The following ZNF592 variants were observed in gnomAD, a reference collection of about 807,000 sequenced individuals.
The protein encoded by ZNF592 is zinc finger protein 592.
Under a neutral mutation model 80.3 loss-of-function variants are expected in ZNF592, and 11 were observed. The ratio of observed to expected loss-of-function variants is 0.14; its 90% CI spans 0.09 to 0.23. The LOEUF is 0.23. ZNF592 is among the 10% of genes least tolerant of loss of function. ZNF592 has a pLI of 1.00. For synonymous variants in ZNF592, 646 were observed against 640.3 expected, an observed-to-expected ratio of 1.01 and a Z score of -0.13; for missense variants, 1,420 against 1,633.9, an observed-to-expected ratio of 0.87 and a Z score of 2.26.
rs758992699 is a variant in ZNF592, at chr15:84,784,313, G to A, written c.1638G>A (p.Lys546=). ...MSVPLVHQVK[K]AAPLIVEVFN... ...TGCCCCTGGTCCACCAGGTGAAAAA[G>A]GCTGCCCCACTGATTGTAGAGGTCT... Residue 546 remains lysine (K), a synonymous_variant, in exon 4 of 11, where the codon AAG becomes AAA. Coordinates refer to ENST00000560079, the MANE Select transcript of ZNF592 (RefSeq NM_014630.3). The surrounding 1 kb of genome is among the most constrained non-coding windows in gnomAD (Gnocchi z 5.8). The A allele has an allele frequency of 7.4e-6, 12 of 1,614,218 alleles. No individual in the cohort carries two copies. The South Asian group carries it at 1.3e-4, about 18-fold the overall frequency.
intron 2 of ZNF592, among the ~76,000 whole-genome samples, chr15:84,776,178 G>A (rs1448982490): frequency 6.6e-6 from 1 of 152,168 alleles, no homozygotes; most frequent in African/African-American, 2.4e-5. Context: ...GATGCTTCAG[G>A]GTGAGCCTCT....
intron 1 of ZNF592, among the ~76,000 whole-genome samples, chr15:84,761,585 AG>A (rs746593754): frequency 6.6e-5 from 10 of 152,110 alleles, no homozygotes; most frequent in African/African-American, 9.7e-5. Context: ...AGGAAAAGGA[AG>A]GGTCATCCTC....
Position 84,799,328 on chromosome 15 carries a change from C to G in ZNF592, c.3137+118C>G. ...GTCTAAGACAAGAGACAAGTGATTT[C>G]CAACTGGAAGAAATTGCGGCTAAGT... is the stretch of plus-strand genomic sequence containing the variant. On this transcript the variant is annotated intron_variant, in intron 9 of 10. Transcript: ENST00000560079. The surrounding 1 kb of genome is among the most constrained non-coding windows in gnomAD (Gnocchi z 4.2). 9.1e-7 allele frequency: 1 copy of G among 1,102,566 alleles called. No homozygotes were observed. The highest frequency in any genetic ancestry group is 1.3e-5 in the South Asian group (1 of 78,958). 68.3% of individuals were successfully genotyped at this position (1,102,566 alleles called of 1,614,324 possible).
chr15:84,775,614 G>T (rs931801736), intron 2 of ZNF592, among the ~76,000 whole-genome samples: 5 of 152,084 alleles, frequency 3.3e-5, no homozygotes, highest in African/African-American at 9.7e-5. Flanking sequence ...TGTATTTTTA[G>T]TAGAGATGAG....
At chr15:84,768,681 G>C (rs1053346464) in intron 2 of ZNF592, among the ~76,000 whole-genome samples, 10 of 152,004 alleles carry the variant, frequency 6.6e-5, no homozygotes, top group African/African-American at 2.4e-4. Context: ...CGGCCAATAG[G>C]CACCCCCCAC....
intron 2 of ZNF592, among the ~76,000 whole-genome samples, chr15:84,765,193 A>G (rs908746000): frequency 2.0e-5 from 3 of 152,176 alleles, no homozygotes; most frequent in Non-Finnish European, 4.4e-5. Context: ...AGCATGTGTC[A>G]GAATTTCCTT....
chr15:84,787,546 A>G (rs552679904), intron 4 of ZNF592, among the ~76,000 whole-genome samples: 32 of 152,294 alleles, frequency 2.1e-4, no homozygotes, highest in African/African-American at 7.0e-4. Flanking sequence ...TGGGAACAGC[A>G]TCGGTTTGGG....
Position 84,802,502 on chromosome 15 carries a change from T to G in ZNF592, c.*109T>G. The G allele has an allele frequency of 3.0e-6, 4 of 1,351,980 alleles. No homozygotes were observed. The highest frequency in any genetic ancestry group is 4.1e-6 in the Non-Finnish European group (4 of 972,072). The allele number at this position is 1,351,980 out of a possible 1,614,324, so 83.7% of individuals were successfully genotyped here. A position where few individuals can be genotyped will look rare whatever the true frequency, so the allele number is the denominator to read the frequency against. On this transcript the variant is annotated 3_prime_UTR_variant, in exon 11 of 11. Coordinates refer to ENST00000560079, the MANE Select transcript of ZNF592 (RefSeq NM_014630.3). ...CTGCCCCCAGTGTGAGTGTGACCGG[T>G]TGTACCCTGGAGTAGTGTCTGCCCT...
intron 3 of ZNF592, among the ~76,000 whole-genome samples, chr15:84,781,676 G>C (rs1359682372): frequency 6.6e-6 from 1 of 152,176 alleles, no homozygotes; most frequent in Non-Finnish European, 1.5e-5. Flanking sequence ...AAAGGCCCTG[G>C]AATGCTGAAG....
chr15:84,748,705 G>C (rs1009303549), intron 1 of ZNF592, 41 bp downstream of exon 1: 3 of 148,146 alleles, frequency 2.0e-5, no homozygotes, highest in Non-Finnish European at 4.5e-5. Flanking sequence ...GGGCCTGCGG[G>C]CCGGGGCAGC....
chr15:84,760,948 T>C (rs1899332345), intron 1 of ZNF592, among the ~76,000 whole-genome samples: 1 of 151,368 alleles, frequency 6.6e-6, no homozygotes, highest in Non-Finnish European at 1.5e-5. Flanking sequence ...GGACCTAATA[T>C]GGTAGGCTAC....
In ZNF592 at chr15:84,782,899, G is replaced by T. The variant is rs769170888; in HGVS notation, c.224G>T (p.Arg75Leu). 1 of 1,614,124 alleles carries T rather than the reference G, an allele frequency of 6.2e-7. No homozygotes were observed. The highest frequency in any genetic ancestry group is 1.1e-5 in the South Asian group (1 of 91,064). ...AVSVIVKNTSRQESFEAEKDH... is the reference protein window; with the variant it reads ...AVSVIVKNTSLQESFEAEKDH... Reference sequence around the variant, plus strand: ...AGTGTCATTGTCAAGAACACCAGCCGCCAGGAGTCATTTGAAGCGGAGAAA... The same window carrying T: ...AGTGTCATTGTCAAGAACACCAGCCTCCAGGAGTCATTTGAAGCGGAGAAA... The change falls in exon 4 of 11, where the codon CGC becomes CTC. Residue 75 changes from arginine to leucine, a missense_variant. By Grantham distance (102) the Arg-to-Leu change is moderately radical (BLOSUM62 -2). Coordinates refer to ENST00000560079, the MANE Select transcript of ZNF592 (RefSeq NM_014630.3).
chr15:84,788,627 T>C (rs1273279032), intron 4 of ZNF592, among the ~76,000 whole-genome samples: 1 of 152,196 alleles, frequency 6.6e-6, no homozygotes, highest in Non-Finnish European at 1.5e-5. Flanking sequence ...AGTTCAGTAG[T>C]GTTAATGTTA....
intron 1 of ZNF592, among the ~76,000 whole-genome samples, chr15:84,751,907 AAAAC>A (rs891073094): frequency 2.0e-5 from 3 of 152,134 alleles, no homozygotes; most frequent in East Asian, 1.9e-4. Flanking sequence ...TCCATCTCAA[AAAAC>A]AAACAAACGA....
intron 1 of ZNF592, among the ~76,000 whole-genome samples, chr15:84,754,704 TAAAA>T (rs58930648): frequency 7.5e-6 from 1 of 133,678 alleles, no homozygotes. Flanking sequence ...CCCCGTCTCT[TAAAA>T]AAAAAAAAAA....
intron 5 of ZNF592, among the ~76,000 whole-genome samples, chr15:84,792,430 A>G (rs1567074435): frequency 1.3e-5 from 2 of 152,116 alleles, no homozygotes; most frequent in Non-Finnish European, 2.9e-5. Context: ...TGACTCCCAC[A>G]TTTCTGTCTT....
rs777886761 is a variant in ZNF592, at chr15:84,790,823, C to T, written c.2339C>T (p.Ala780Val). 17 of 1,614,238 alleles carry T rather than the reference C, an allele frequency of 1.1e-5. No homozygotes were observed. The highest frequency in any genetic ancestry group is 3.3e-4 in the Middle Eastern group (2 of 6,062). Residue 780 changes from alanine to valine, a missense_variant, in exon 5 of 11, where the codon GCC (alanine) becomes GTC (valine). By Grantham distance (64) the Ala-to-Val change is moderately conservative. This residue lies in a region of ZNF592 where 524 missense variants were observed against 628.3 expected (regional missense o/e 0.83). Coordinates refer to ENST00000560079, the MANE Select transcript of ZNF592 (RefSeq NM_014630.3). ...GAGTGTGGGGTCCTCTGCCGCTCTGCCTACTTCCAGACCCATGTAAAGGAG... is the reference window on the plus strand; with the variant it reads ...GAGTGTGGGGTCCTCTGCCGCTCTGTCTACTTCCAGACCCATGTAAAGGAG... ...CPECGVLCRS[A>V]YFQTHVKENC...
At chr15:84,772,226 C>A (rs1390477189) in intron 2 of ZNF592, among the ~76,000 whole-genome samples, 1 of 152,136 alleles carries the variant, frequency 6.6e-6, no homozygotes, top group East Asian at 1.9e-4. Context: ...CTACCGTAAC[C>A]CATGGAAGTG....
rs142239350 is a variant in ZNF592 at position 84,758,757 on chromosome 15, C to CAA, written c.-258-5933_-258-5932dup. Among the ~76,000 whole-genome samples the CAA allele has an allele frequency of 9.4e-4, 33 of 35,234 alleles. 3 individuals carry two copies. The highest frequency in any genetic ancestry group is 1.5e-3 in the East Asian group (2 of 1,298). 23.1% of individuals were successfully genotyped at this position (35,234 alleles called of 152,430 possible). On this transcript the variant is annotated intron_variant, in intron 1 of 10. Coordinates refer to ENST00000560079, the MANE Select transcript of ZNF592 (RefSeq NM_014630.3). ...CAAAACCCCATCGCTACTGAAAATC[C>CAA]AAAAAAAAAAAAAAAAAAGCTGGGC...
Sources: gnomAD v4.1 joint callset for allele counts (sites outside exome capture counted in the v4.1 genomes callset) on GRCh38, gnomAD v4.1.1 for gene constraint, gnomAD v4.1.1 regional missense constraint, Gnocchi (gnomAD v3.1) non-coding constraint, MANE v1.5 for transcripts, NCBI Gene and HGNC (gene_info 2026-07-23, HGNC 2026-07-21) for gene names.